CTNNA3: variants seen among roughly 807,000 people sequenced by gnomAD.
The protein encoded by CTNNA3 is catenin alpha-3.
In CTNNA3, 76 loss-of-function variants were observed where a neutral mutation model predicts 95.7. The ratio of observed to expected loss-of-function variants is 0.79; its 90% CI spans 0.66 to 0.96. CTNNA3 has a LOEUF of 0.96. Among genes scored for constraint, CTNNA3 ranks in the 40% least tolerant of loss-of-function variants. CTNNA3 has a pLI of 0.00. For synonymous variants in CTNNA3, 431 were observed against 374.4 expected (o/e 1.15, Z -1.74); for missense variants, 1,191 against 1,089.8 (o/e 1.09, Z -1.31).
intron 5 of CTNNA3, among the ~76,000 whole-genome samples, chr10:67,230,811 G>A (rs1865157194): frequency 6.6e-6 from 1 of 152,184 alleles, no homozygotes; most frequent in Admixed American, 6.5e-5. Context: ...AGGTCAGTGT[G>A]TGCACACACC....
At chr10:66,216,312 C>T (rs868665014) in intron 13 of CTNNA3, among the ~76,000 whole-genome samples, 5 of 152,342 alleles carry the variant, frequency 3.3e-5, no homozygotes, top group Middle Eastern at 3.4e-3. Context: ...ATCAACAGTA[C>T]TGTGGTATAT....
chr10:66,529,455 T>G (rs12242119), intron 10 of CTNNA3, among the ~76,000 whole-genome samples: 1,571 of 150,312 alleles, frequency 0.01, 36 homozygotes, highest in African/African-American at 0.037. Flanking sequence ...TTTTTGTTTT[T>G]TTTTTTTAAT....
intron 13 of CTNNA3, among the ~76,000 whole-genome samples, chr10:66,214,441 C>T (rs754213206): frequency 7.2e-5 from 11 of 151,960 alleles, no homozygotes; most frequent in Admixed American, 6.6e-5. Flanking sequence ...TATATTGAAT[C>T]GTATTGTCAT....
intron 15 of CTNNA3, among the ~76,000 whole-genome samples, chr10:66,051,913 A>G (rs1392253826): frequency 1.3e-5 from 2 of 152,184 alleles, no homozygotes; most frequent in South Asian, 2.1e-4. Flanking sequence ...TAAAACATTT[A>G]ACAGCCCAAA....
chr10:67,104,091 A>G lies in CTNNA3; in HGVS notation c.1047+76226T>C, dbSNP rs75294790. Among the ~76,000 whole-genome samples, 147 of 152,008 alleles carry G rather than the reference A, an allele frequency of 9.7e-4. 2 individuals carry two copies. The highest frequency in any genetic ancestry group is 3.5e-3 in the African/African-American group (144 of 41,540). On this transcript the variant is annotated intron_variant, in intron 7 of 17. Coordinates refer to ENST00000433211, the MANE Select transcript of CTNNA3 (RefSeq NM_013266.4). ...ACAGCCAAAATTACAGCCAAAATTG[A>G]TAAAGAAATATCAATAATATAACCT...
chr10:67,271,299 T>C (rs941805863), intron 5 of CTNNA3, among the ~76,000 whole-genome samples: 7 of 152,036 alleles, frequency 4.6e-5, no homozygotes, highest in Non-Finnish European at 7.4e-5. Context: ...ATGGGGGTGG[T>C]TCCCCCATGC....
At chr10:66,400,847 A>G (rs1330661417) in intron 11 of CTNNA3, among the ~76,000 whole-genome samples, 3 of 152,140 alleles carry the variant, frequency 2.0e-5, no homozygotes, top group Admixed American at 6.6e-5. Flanking sequence ...TGACTTCCCT[A>G]TGAATGAATA....
intron 11 of CTNNA3, among the ~76,000 whole-genome samples, chr10:66,519,475 A>G (rs1347067471): frequency 6.6e-6 from 1 of 152,192 alleles, no homozygotes; most frequent in Non-Finnish European, 1.5e-5. Context: ...AGCCAAAGGG[A>G]AAAGTCAAGC....
chr10:67,479,111 A>G (rs1427845552), intron 5 of CTNNA3, among the ~76,000 whole-genome samples: 1 of 152,168 alleles, frequency 6.6e-6, no homozygotes, highest in Non-Finnish European at 1.5e-5. Context: ...TAGAACAAGT[A>G]CTTCTAGACC....
chr10:67,439,347 GGA>G (rs781300890), intron 5 of CTNNA3, among the ~76,000 whole-genome samples: 5 of 152,114 alleles, frequency 3.3e-5, no homozygotes, highest in Admixed American at 6.5e-5. Flanking sequence ...ATCAGCATCA[GGA>G]AACATGATGC....
At chr10:67,656,110 C>T (rs1840017434) in intron 1 of CTNNA3, among the ~76,000 whole-genome samples, 1 of 152,136 alleles carries the variant, frequency 6.6e-6, no homozygotes, top group African/African-American at 2.4e-5. Context: ...GTTTTCCAAG[C>T]CCCACCTCCA....
At chr10:66,443,302 G>A (rs956447865) in intron 11 of CTNNA3, among the ~76,000 whole-genome samples, 2 of 152,204 alleles carry the variant, frequency 1.3e-5, no homozygotes, top group Non-Finnish European at 2.9e-5. Flanking sequence ...CAGCTTTGAA[G>A]AGAGTAATGG....
At chr10:66,122,513 A>T (rs1235338560) in intron 13 of CTNNA3, among the ~76,000 whole-genome samples, 2 of 152,232 alleles carry the variant, frequency 1.3e-5, no homozygotes, top group South Asian at 2.1e-4. Context: ...AAACGGGATA[A>T]ATACCAAGAA....
At chr10:66,942,373 G>A (rs1356540744) in intron 7 of CTNNA3, among the ~76,000 whole-genome samples, 1 of 152,140 alleles carries the variant, frequency 6.6e-6, no homozygotes, top group Non-Finnish European at 1.5e-5. Context: ...TCCTTTAATG[G>A]ACTTGCTCTA....
chr10:67,505,361 C>A (rs1476729137), intron 5 of CTNNA3, among the ~76,000 whole-genome samples: 1 of 152,094 alleles, frequency 6.6e-6, no homozygotes, highest in Non-Finnish European at 1.5e-5. Flanking sequence ...ATTCAGTTAC[C>A]TTTAATTTTA....
At chr10:67,215,080 C>T (rs1864297341) in intron 6 of CTNNA3, among the ~76,000 whole-genome samples, 1 of 151,932 alleles carries the variant, frequency 6.6e-6, no homozygotes, top group Non-Finnish European at 1.5e-5. Flanking sequence ...ATCTTAACTG[C>T]TTTTCAAAAA....
At chr10:66,042,899 CAAAAAAAAAAAAAAAAAAAAAAA>C (rs60090636) in intron 15 of CTNNA3, among the ~76,000 whole-genome samples, 1 of 50,418 alleles carries the variant, frequency 2.0e-5, no homozygotes, top group Non-Finnish European at 3.4e-5. Flanking sequence ...GACTCTGTCT[CAAAAAAAAAAAAAAAAAAAAAAA>C]AAAAAAAGAA....
chr10:66,385,578 C>T (rs1322154271), intron 11 of CTNNA3, among the ~76,000 whole-genome samples: 1 of 152,162 alleles, frequency 6.6e-6, no homozygotes, highest in African/African-American at 2.4e-5. Flanking sequence ...GGATTCCTCC[C>T]TAACTCATTT....
intron 5 of CTNNA3, among the ~76,000 whole-genome samples, chr10:67,246,193 G>A (rs948794486): frequency 2.0e-5 from 3 of 152,166 alleles, no homozygotes; most frequent in African/African-American, 7.2e-5. Flanking sequence ...TGTACGCAGA[G>A]CATGAATCAT....
Sources: allele counts gnomAD v4.1 joint callset (sites outside exome capture counted in the v4.1 genomes callset), GRCh38; gene constraint gnomAD v4.1.1; transcripts MANE v1.5; gene names NCBI Gene and HGNC (gene_info 2026-07-23, HGNC 2026-07-21).